The following EXOC2 variants were observed in gnomAD, a reference collection of about 807,000 sequenced individuals.
EXOC2 encodes exocyst complex component 2.
A neutral mutation model predicts 131.8 loss-of-function variants in EXOC2; 70 were observed. The observed-to-expected ratio is 0.53, with a 90% CI of 0.44 to 0.65. The LOEUF is 0.65. Among genes scored for constraint, EXOC2 ranks in the 30% least tolerant of loss-of-function variants. The pLI is 0.00. For missense variants in EXOC2, 923 were observed against 1,108.6 expected (o/e 0.83, Z 2.38); for synonymous variants, 411 against 398.4 (o/e 1.03, Z -0.38).
At chr6:660,157 C>T (rs1763355448) in intron 1 of EXOC2, among the ~76,000 whole-genome samples, 1 of 151,046 alleles carries the variant, frequency 6.6e-6, no homozygotes, top group African/African-American at 2.4e-5. Context: ...ACTCCACCCC[C>T]ATCCCCCAAG....
chr6:540,804 G>A lies in EXOC2; in HGVS notation c.2239-8194C>T, dbSNP rs1179581583. Among the ~76,000 whole-genome samples, 6 of 152,236 alleles carry A rather than the reference G, an allele frequency of 3.9e-5. No individual in the cohort carries two copies. In the South Asian group the frequency reaches 1.0e-3, roughly 26 times the overall value. The stretch of plus-strand genomic sequence containing the variant: ...GAATTGATTAAAGACATCAACCAGA[G>A]CCAAGGGAACAAACAGGCCAAAAAA... On this transcript the variant is annotated intron_variant, in intron 22 of 27. Transcript: ENST00000230449.
At chr6:657,012 G>T in intron 1 of EXOC2, 1 of 1,320,258 alleles carries the variant, frequency 7.6e-7, no homozygotes, top group East Asian at 2.6e-5. Context: ...CTTCCGGTCC[G>T]CTGGGGTCCG....
At chr6:640,127 T>C (rs1762288392) in intron 1 of EXOC2, among the ~76,000 whole-genome samples, 1 of 152,300 alleles carries the variant, frequency 6.6e-6, no homozygotes, top group Non-Finnish European at 1.5e-5. Context: ...TCTTTTTCTA[T>C]GATATGAGTT....
At chr6:514,502 A>G (rs565831055) in intron 23 of EXOC2, among the ~76,000 whole-genome samples, 1 of 152,336 alleles carries the variant, frequency 6.6e-6, no homozygotes, top group East Asian at 1.9e-4. Flanking sequence ...TTTCTTAACA[A>G]ATTCTATCAG....
intron 1 of EXOC2, chr6:656,021 C>T: frequency 1.0e-6 from 1 of 987,518 alleles, no homozygotes; most frequent in South Asian, 1.6e-5. Context: ...CAGTGAAGGT[C>T]CAAATTTTCA....
chr6:622,711 T>C (rs1761355024), intron 4 of EXOC2, among the ~76,000 whole-genome samples: 1 of 152,158 alleles, frequency 6.6e-6, no homozygotes, highest in African/African-American at 2.4e-5. Flanking sequence ...AAAAACAGAA[T>C]GTACACAGCA....
rs115084483 is a variant in EXOC2 at position 496,804 on chromosome 6, C to T, written c.2559+563G>A. 2.5e-3 allele frequency among the ~76,000 whole-genome samples: 386 copies of T among 152,268 alleles called. 3 individuals are homozygous for T. The highest frequency in any genetic ancestry group is 8.7e-3 in the African/African-American group (360 of 41,562). On this transcript the variant is annotated intron_variant, in intron 25 of 27. Transcript: ENST00000230449. ...AGGAGCTTCCTCAGCCATGGCTGGACGAAGGGCACTGCTTTTTGAAACTCA... is the reference window on the plus strand; with the variant it reads ...AGGAGCTTCCTCAGCCATGGCTGGATGAAGGGCACTGCTTTTTGAAACTCA...
At chr6:616,616 A>AAC (rs1277499766) in intron 6 of EXOC2, among the ~76,000 whole-genome samples, 1 of 151,194 alleles carries the variant, frequency 6.6e-6, no homozygotes, top group Admixed American at 6.6e-5. Context: ...AAAAAAAAAA[A>AAC]AAAAAAACTA....
chr6:548,304 A>C (rs374423348), intron 22 of EXOC2, among the ~76,000 whole-genome samples: 107 of 152,322 alleles, frequency 7.0e-4, no homozygotes, highest in African/African-American at 2.5e-3. Context: ...CATTTATAAA[A>C]AGTAGGTAAC....
intron 23 of EXOC2, among the ~76,000 whole-genome samples, chr6:501,657 A>C (rs1434500289): frequency 8.9e-6 from 1 of 111,742 alleles, no homozygotes; most frequent in East Asian, 2.2e-4. Context: ...ATAGATAGAT[A>C]TATCTATCTA....
chr6:549,134 G>A (rs1286902098), intron 22 of EXOC2, 41 bp downstream of exon 22: 3 of 1,550,632 alleles, frequency 1.9e-6, no homozygotes, highest in African/African-American at 2.7e-5. Flanking sequence ...AACTGAGCTG[G>A]TAAAACCACC....
chr6:628,391 T>C (rs928492045), intron 4 of EXOC2, among the ~76,000 whole-genome samples: 2 of 152,190 alleles, frequency 1.3e-5, no homozygotes, highest in African/African-American at 2.4e-5. Flanking sequence ...GGAACACTGC[T>C]GTTAGACGCA....
intron 3 of EXOC2, among the ~76,000 whole-genome samples, 161 bp downstream of exon 3, chr6:632,780 A>T (rs543677186): frequency 1.3e-5 from 2 of 152,340 alleles, no homozygotes; most frequent in South Asian, 4.1e-4. Context: ...AAAGTAACAC[A>T]AATATTAACC....
chr6:687,459 A>G (rs1764716377), intron 1 of EXOC2, among the ~76,000 whole-genome samples: 1 of 152,120 alleles, frequency 6.6e-6, no homozygotes, highest in African/African-American at 2.4e-5. Flanking sequence ...CTGGGATTAC[A>G]GGCACTGAGC....
chr6:560,900 G>T (rs889947452), intron 17 of EXOC2, among the ~76,000 whole-genome samples: 1 of 151,732 alleles, frequency 6.6e-6, no homozygotes, highest in Admixed American at 6.6e-5. Context: ...TAGAGACAGG[G>T]TTTCACCATG....
At chr6:516,387 G>A (rs766761010) in intron 23 of EXOC2, among the ~76,000 whole-genome samples, 1 of 152,150 alleles carries the variant, frequency 6.6e-6, no homozygotes, top group Non-Finnish European at 1.5e-5. Flanking sequence ...ATGTTCCCAC[G>A]CACAGAGCTA....
intron 6 of EXOC2, 34 bp downstream of exon 6, chr6:617,677 A>G (rs778302294): frequency 6.3e-7 from 1 of 1,598,688 alleles, no homozygotes; most frequent in African/African-American, 1.3e-5. Flanking sequence ...CCATGGCGGA[A>G]GCTGCCAGCA....
intron 1 of EXOC2, among the ~76,000 whole-genome samples, chr6:643,644 C>A (rs1036901278): frequency 1.1e-4 from 17 of 150,528 alleles, no homozygotes; most frequent in African/African-American, 4.2e-4. Context: ...GCTAAATAAA[C>A]TCAAAGTAAA....
At chr6:687,180 T>TTTTTTTTTTTTTTG (rs1764699598) in intron 1 of EXOC2, among the ~76,000 whole-genome samples, 1 of 121,904 alleles carries the variant, frequency 8.2e-6, no homozygotes, top group Non-Finnish European at 1.8e-5. Flanking sequence ...TCTTTTTTTT[T>TTTTTTTTTTTTTTG]TTTTTTTTTT....
Sources: gnomAD v4.1 joint callset for allele counts (sites outside exome capture counted in the v4.1 genomes callset) on GRCh38, gnomAD v4.1.1 for gene constraint, MANE v1.5 for transcripts, NCBI Gene and HGNC (gene_info 2026-07-23, HGNC 2026-07-21) for gene names.